The following CSMD1 variants were observed in gnomAD, a reference collection of about 807,000 sequenced individuals.
CSMD1 encodes the protein CUB and sushi domain-containing protein 1.
CSMD1 carries 213 observed loss-of-function variants against 417.5 expected under a neutral mutation model. The observed-to-expected ratio is 0.51, with a 90% CI of 0.46 to 0.57. The LOEUF (loss-of-function observed/expected upper bound fraction) is 0.57. Among genes scored for constraint, CSMD1 ranks in the 20% least tolerant of loss-of-function variants. The pLI is 0.00. For missense variants in CSMD1, 6,923 were observed against 4,529.7 expected, an observed-to-expected ratio of 1.53 and a Z score of -15.17; for synonymous variants, 2,862 against 1,736.8, an observed-to-expected ratio of 1.65 and a Z score of -16.11.
intron 2 of CSMD1, among the ~76,000 whole-genome samples, chr8:4,581,579 A>G (rs925439332): frequency 6.6e-6 from 1 of 152,206 alleles, no homozygotes; most frequent in African/African-American, 2.4e-5. Context: ...TCAATATATC[A>G]TTAAGACACA....
At position 4,675,972 on chromosome 8, in the gene CSMD1, T is replaced by C. The variant is rs375778072; in HGVS notation, c.86-38414A>G. Among the ~76,000 whole-genome samples the C allele has an allele frequency of 3.9e-5, 6 of 152,240 alleles. No individual in the cohort carries two copies. The East Asian group carries it at 5.8e-4, about 15-fold the overall frequency. ...GTTTTATGGATGTGTCTGCCTTTTA[T>C]AGATAATAGCAATTCTTCACATTTG... is the stretch of plus-strand genomic sequence containing the variant. On this transcript the variant is annotated intron_variant, in intron 1 of 69. Coordinates refer to ENST00000635120, the MANE Select transcript of CSMD1 (RefSeq NM_033225.6).
chr8:3,926,259 T>A (rs1025202933), intron 5 of CSMD1, among the ~76,000 whole-genome samples: 1 of 152,192 alleles, frequency 6.6e-6, no homozygotes, highest in Admixed American at 6.5e-5. Context: ...AAAATCACAA[T>A]CCATGTCCTC....
chr8:4,115,121 A>G (rs12544203), intron 3 of CSMD1, among the ~76,000 whole-genome samples: 58,563 of 152,052 alleles, frequency 0.39, 11,269 homozygotes, highest in Admixed American at 0.4. Flanking sequence ...TTCATGAAAA[A>G]AAGTCCATAG....
chr8:3,824,444 T>A (rs1801932547), intron 5 of CSMD1, among the ~76,000 whole-genome samples: 1 of 152,130 alleles, frequency 6.6e-6, no homozygotes, highest in South Asian at 2.1e-4. Flanking sequence ...TGTGTAACTT[T>A]TCATTCTGCA....
At chr8:4,783,653 C>A (rs149086864) in intron 1 of CSMD1, among the ~76,000 whole-genome samples, 1 of 152,172 alleles carries the variant, frequency 6.6e-6, no homozygotes, top group African/African-American at 2.4e-5. Flanking sequence ...GAGCTCTTGT[C>A]ATGAACAGGC....
At chr8:4,906,404 T>G (rs1218510655) in intron 1 of CSMD1, among the ~76,000 whole-genome samples, 1 of 152,214 alleles carries the variant, frequency 6.6e-6, no homozygotes, top group Non-Finnish European at 1.5e-5. Context: ...AAGGGATGAA[T>G]AGAGGTGGTC....
intron 2 of CSMD1, among the ~76,000 whole-genome samples, chr8:4,469,682 T>C (rs1024221439): frequency 6.6e-6 from 1 of 152,062 alleles, no homozygotes; most frequent in African/African-American, 2.4e-5. Context: ...CAGGGAACTC[T>C]TGTCATCACA....
chr8:3,268,485 T>A (rs1167779142), intron 26 of CSMD1, among the ~76,000 whole-genome samples: 1 of 151,734 alleles, frequency 6.6e-6, no homozygotes, highest in East Asian at 1.9e-4. Flanking sequence ...GAGACAGGGT[T>A]TCACCGTGTT....
chr8:4,474,990 G>A (rs984039689), intron 2 of CSMD1, among the ~76,000 whole-genome samples: 4 of 152,092 alleles, frequency 2.6e-5, no homozygotes, highest in Non-Finnish European at 4.4e-5. Context: ...TAGTAATTAC[G>A]TTTTGGGGGA....
chr8:3,442,850 G>A (rs559062392), intron 12 of CSMD1, among the ~76,000 whole-genome samples: 28 of 151,754 alleles, frequency 1.8e-4, no homozygotes, highest in Admixed American at 5.3e-4. Flanking sequence ...TGTTATGTCT[G>A]TACCTGGTTT....
chr8:3,880,821 T>G (rs1585132618), intron 5 of CSMD1, among the ~76,000 whole-genome samples: 2 of 152,344 alleles, frequency 1.3e-5, no homozygotes, highest in Non-Finnish European at 2.9e-5. Context: ...AGATAATTCC[T>G]AAAAATAACG....
chr8:4,427,732 T>A (rs1264350195), intron 2 of CSMD1, among the ~76,000 whole-genome samples: 1 of 152,146 alleles, frequency 6.6e-6, no homozygotes, highest in Non-Finnish European at 1.5e-5. Context: ...AATTTGAAAC[T>A]ATTAATATAA....
At chr8:3,778,642 C>T (rs1447513836) in intron 5 of CSMD1, among the ~76,000 whole-genome samples, 2 of 152,310 alleles carry the variant, frequency 1.3e-5, no homozygotes, top group East Asian at 1.9e-4. Flanking sequence ...TGCCTCCAAC[C>T]TTTCTCCAGG....
At chr8:4,755,222 T>A (rs1389361034) in intron 1 of CSMD1, among the ~76,000 whole-genome samples, 1 of 152,252 alleles carries the variant, frequency 6.6e-6, no homozygotes, top group Admixed American at 6.5e-5. Context: ...CACGCAGTAT[T>A]TCCTGAGTCT....
intron 2 of CSMD1, among the ~76,000 whole-genome samples, chr8:4,422,395 A>T (rs1310915361): frequency 6.6e-6 from 1 of 152,150 alleles, no homozygotes; most frequent in East Asian, 1.9e-4. Context: ...ATGGGGCTTT[A>T]CAGAGGTAAT....
At chr8:3,697,042 G>A (rs1376915773) in intron 7 of CSMD1, among the ~76,000 whole-genome samples, 1 of 152,132 alleles carries the variant, frequency 6.6e-6, no homozygotes, top group Non-Finnish European at 1.5e-5. Flanking sequence ...CTCTTCCATT[G>A]AGGGCAGACA....
intron 42 of CSMD1, among the ~76,000 whole-genome samples, chr8:3,117,923 G>A (rs1312018326): frequency 6.6e-6 from 1 of 152,014 alleles, no homozygotes; most frequent in Admixed American, 6.6e-5. Flanking sequence ...ACCTTTCAAG[G>A]CCCACTACAA....
chr8:3,080,830 C>T (rs762039023), intron 49 of CSMD1, among the ~76,000 whole-genome samples: 3 of 152,136 alleles, frequency 2.0e-5, no homozygotes, highest in Non-Finnish European at 4.4e-5. Flanking sequence ...GGCTCCCTGG[C>T]CTTTTGGGGG....
intron 3 of CSMD1, among the ~76,000 whole-genome samples, chr8:4,385,019 C>G (rs1803356090): frequency 6.6e-6 from 1 of 152,130 alleles, no homozygotes; most frequent in Admixed American, 6.5e-5. Flanking sequence ...CTCCGTCCCC[C>G]TGGTTCAAGG....
Sources: allele counts gnomAD v4.1 joint callset (sites outside exome capture counted in the v4.1 genomes callset), GRCh38; gene constraint gnomAD v4.1.1; transcripts MANE v1.5; gene names NCBI Gene and HGNC (gene_info 2026-07-23, HGNC 2026-07-21).